NFXL1: variants seen among roughly 807,000 people sequenced by gnomAD.
NFXL1 encodes the protein NF-X1-type zinc finger protein NFXL1.
NFXL1 carries 66 observed loss-of-function variants against 123.3 expected under a neutral mutation model. That is an observed-to-expected ratio of 0.54 (90% CI 0.44 to 0.66). NFXL1 has a LOEUF of 0.66. NFXL1 is among the 30% of genes least tolerant of loss of function. The pLI is 0.00. For missense variants in NFXL1, 944 were observed against 1,125.6 expected (o/e 0.84, Z 2.31); for synonymous variants, 346 against 360.8 (o/e 0.96, Z 0.46).
At chr4:47,891,771 A>G (rs889288175) in intron 11 of NFXL1, among the ~76,000 whole-genome samples, 1 of 152,134 alleles carries the variant, frequency 6.6e-6, no homozygotes, top group Non-Finnish European at 1.5e-5. Context: ...AAGTCAATAC[A>G]GTTTATTCTC....
At chr4:47,860,116 AAG>A (rs1484185357) in intron 19 of NFXL1, among the ~76,000 whole-genome samples, 2 of 152,106 alleles carry the variant, frequency 1.3e-5, no homozygotes, top group Non-Finnish European at 2.9e-5. Context: ...AAAAATTGCC[AAG>A]AGAGATTTTA....
chr4:47,859,433 G>GC (rs934053103), intron 19 of NFXL1, among the ~76,000 whole-genome samples: 1 of 152,050 alleles, frequency 6.6e-6, no homozygotes, highest in African/African-American at 2.4e-5. Flanking sequence ...TATTATTAGT[G>GC]CCCCATTTTA....
chr4:47,914,576 G>A lies in NFXL1; in HGVS notation c.-214C>T, dbSNP rs925763075. The A allele has an allele frequency of 4.4e-5, 9 of 206,322 alleles. No individual in the cohort carries two copies. Among genetic ancestry groups the A allele is most frequent in the Non-Finnish European group, 8.7e-5 (9 of 103,178 alleles). 12.8% of individuals were successfully genotyped at this position (206,322 alleles called of 1,614,324 possible). A position where few individuals can be genotyped will look rare whatever the true frequency, so the allele number is the denominator to read the frequency against. Reference sequence around the variant, plus strand: ...CTGCGTCTCCCGCCGGGAACCAACTGCAGTGGTACACCCCACGGAAAGCTA... The same window carrying A: ...CTGCGTCTCCCGCCGGGAACCAACTACAGTGGTACACCCCACGGAAAGCTA... On this transcript the variant is annotated 5_prime_UTR_variant, in exon 1 of 23. Transcript: ENST00000507489.
At chr4:47,894,539 T>TAAA (rs200680311) in intron 10 of NFXL1, among the ~76,000 whole-genome samples, 8 of 139,368 alleles carry the variant, frequency 5.7e-5, no homozygotes, top group African/African-American at 7.9e-5. Flanking sequence ...ATTGAATAGT[T>TAAA]AAAAAAAAAA....
chr4:47,869,525 G>A (rs533548964), intron 18 of NFXL1, among the ~76,000 whole-genome samples: 1 of 152,092 alleles, frequency 6.6e-6, no homozygotes, highest in African/African-American at 2.4e-5. Flanking sequence ...GACTATAGGA[G>A]GAAGTATAAT....
At chr4:47,894,883 G>T (rs1356356134) in intron 10 of NFXL1, among the ~76,000 whole-genome samples, 2 of 152,150 alleles carry the variant, frequency 1.3e-5, no homozygotes, top group Non-Finnish European at 2.9e-5. Flanking sequence ...ACATTGCCAA[G>T]ATTCATCAGA....
intron 12 of NFXL1, among the ~76,000 whole-genome samples, chr4:47,890,192 C>T (rs1215468095): frequency 6.6e-6 from 1 of 152,074 alleles, no homozygotes. Context: ...TCACCAGCTT[C>T]GGACATATCT....
chr4:47,855,088 G>A lies in NFXL1; in HGVS notation c.2392C>T (p.Leu798Phe). The change falls in exon 20 of 23, where the codon CTT (leucine) becomes TTT (phenylalanine). Residue 798 changes from leucine (L) to phenylalanine (F), a missense_variant. Leu to Phe is a conservative substitution (Grantham distance 22). This residue lies in a region of NFXL1 where 301 missense variants were observed against 348.0 expected (regional missense o/e 0.86). Transcript: ENST00000507489. ...CPFNCNQKVKLRCPCKRIKKE... is the reference protein window; with the variant it reads ...CPFNCNQKVKFRCPCKRIKKE... ...TTTATTCTTTTACAAGGACATCTAA[G>A]TTTTACCTTCTGGTTGCAGTTAAAG... 1 of 1,548,974 alleles carries A rather than the reference G, an allele frequency of 6.5e-7. No individual in the cohort carries two copies. The highest frequency in any genetic ancestry group is 8.9e-7 in the Non-Finnish European group (1 of 1,129,334).
intron 10 of NFXL1, 88 bp from the exon 11 acceptor site, chr4:47,894,390 T>C (rs1187847077): frequency 9.7e-6 from 9 of 930,268 alleles, no homozygotes; most frequent in Non-Finnish European, 1.3e-5. Context: ...TAAAACATAA[T>C]GAACAAAAAT....
chr4:47,872,680 T>G (rs1295047963), intron 18 of NFXL1, among the ~76,000 whole-genome samples: 1 of 152,170 alleles, frequency 6.6e-6, no homozygotes, highest in Non-Finnish European at 1.5e-5. Flanking sequence ...AAAAACAATG[T>G]GTATACCTTA....
chr4:47,898,871 G>A lies in NFXL1; in HGVS notation c.989-14C>T, dbSNP rs997263689. On this transcript the variant is annotated splice_polypyrimidine_tract_variant and intron_variant, in intron 7 of 22. Coordinates refer to ENST00000507489, the MANE Select transcript of NFXL1 (RefSeq NM_001278624.2). The stretch of plus-strand genomic sequence containing the variant: ...GCTGACAGCTTCCTAAAACCAGAAT[G>A]ATAAATTAGCACAGAAACATAAAAG... 1.2e-6 allele frequency: 2 copies of A among 1,611,512 alleles called. No individual in the cohort carries two copies. The highest frequency in any genetic ancestry group is 8.5e-7 in the Non-Finnish European group (1 of 1,177,804).
chr4:47,856,696 C>T (rs1346553721), intron 19 of NFXL1, among the ~76,000 whole-genome samples: 2 of 152,182 alleles, frequency 1.3e-5, no homozygotes, highest in Non-Finnish European at 2.9e-5. Flanking sequence ...AAACTAAATT[C>T]AGATCACTCA....
At chr4:47,881,524 A>C (rs1736113730) in intron 15 of NFXL1, among the ~76,000 whole-genome samples, 1 of 152,148 alleles carries the variant, frequency 6.6e-6, no homozygotes, top group Admixed American at 6.5e-5. Context: ...TTACACTCCT[A>C]AGTATTTACC....
At chr4:47,893,725 G>A (rs1052431855) in intron 11 of NFXL1, among the ~76,000 whole-genome samples, 1 of 151,418 alleles carries the variant, frequency 6.6e-6, no homozygotes, top group Non-Finnish European at 1.5e-5. Context: ...GAAATGTGAT[G>A]GAAATGTGAA....
chr4:47,890,296 T>A (rs1166226852), intron 12 of NFXL1, among the ~76,000 whole-genome samples: 1 of 152,024 alleles, frequency 6.6e-6, no homozygotes, highest in Non-Finnish European at 1.5e-5. Context: ...GATTAAAAAA[T>A]TATGTGGGGA....
At position 47,903,294 on chromosome 4, in the gene NFXL1, T is replaced by A; in HGVS notation, c.546A>T (p.Ile182=). The change falls in exon 5 of 23, where the codon ATA becomes ATT. Residue 182 remains isoleucine (I), a synonymous_variant. Transcript: ENST00000507489. ...AVWSCSGCFC[I]FHMPCIQKWA... ...ACTTCTGGATACAGGGCATGTGAAA[T>A]ATACAGAAACATCCCGAACAGCTCC... is the stretch of plus-strand genomic sequence containing the variant. 1 of 1,591,232 alleles carries A rather than the reference T, an allele frequency of 6.3e-7. No homozygotes were observed. Among genetic ancestry groups the A allele is most frequent in the Non-Finnish European group, 8.6e-7 (1 of 1,169,290 alleles).
intron 18 of NFXL1, among the ~76,000 whole-genome samples, chr4:47,871,508 G>A (rs1735430933): frequency 1.3e-5 from 2 of 152,166 alleles, no homozygotes; most frequent in South Asian, 4.1e-4. Flanking sequence ...GTTCTTGAGA[G>A]CTTTTTCTAT....
chr4:47,863,977 G>GT (rs1446000230), intron 18 of NFXL1, among the ~76,000 whole-genome samples: 10 of 151,596 alleles, frequency 6.6e-5, no homozygotes, highest in African/African-American at 2.4e-4. Context: ...AAAATATACC[G>GT]TAAGTTCAGT....
chr4:47,854,740 CA>C (rs1226185531), intron 20 of NFXL1, among the ~76,000 whole-genome samples: 1 of 151,992 alleles, frequency 6.6e-6, no homozygotes, highest in African/African-American at 2.4e-5. Context: ...GTTCCTTGTT[CA>C]AAGACCTCAA....
Sources: allele counts gnomAD v4.1 joint callset (sites outside exome capture counted in the v4.1 genomes callset), GRCh38; gene constraint gnomAD v4.1.1; regional missense constraint gnomAD v4.1.1; transcripts MANE v1.5; gene names NCBI Gene and HGNC (gene_info 2026-07-23, HGNC 2026-07-21).